The following ELP4 variants were observed in gnomAD, a reference collection of about 807,000 sequenced individuals.
The protein encoded by ELP4 is elongator complex protein 4.
ELP4 carries 51 observed loss-of-function variants against 48.9 expected under a neutral mutation model. That is an observed-to-expected ratio of 1.04 (90% confidence interval 0.83 to 1.32). The LOEUF is 1.32. Ranked by LOEUF, ELP4 falls within the 40% of genes most tolerant of loss-of-function variation. The pLI, the probability that ELP4 is intolerant of heterozygous loss-of-function variation, is 0.00. For missense variants in ELP4, 519 were observed against 514.6 expected (o/e 1.01, Z -0.08); for synonymous variants, 210 against 189.2 (o/e 1.11, Z -0.90).
intron 9 of ELP4, among the ~76,000 whole-genome samples, chr11:31,658,339 C>T (rs976473250): frequency 9.7e-5 from 14 of 143,730 alleles, no homozygotes; most frequent in African/African-American, 2.7e-4. Flanking sequence ...ACAGCTTCTC[C>T]CTTATATAAC....
chr11:31,571,866 T>A (rs1957198669), intron 3 of ELP4, among the ~76,000 whole-genome samples: 1 of 152,172 alleles, frequency 6.6e-6, no homozygotes, highest in African/African-American at 2.4e-5. Context: ...AAAACCATGT[T>A]GTTTACAGAT....
chr11:31,576,506 TCA>T (rs1957281868), intron 3 of ELP4, among the ~76,000 whole-genome samples: 2 of 152,134 alleles, frequency 1.3e-5, no homozygotes, highest in African/African-American at 4.8e-5. Context: ...CAGCACGACA[TCA>T]CACTTATTCC....
chr11:31,525,442 AT>A (rs1336896998), intron 2 of ELP4, among the ~76,000 whole-genome samples: 1 of 152,226 alleles, frequency 6.6e-6, no homozygotes, highest in East Asian at 1.9e-4. Context: ...CATATATAAC[AT>A]GCCGATATAA....
intron 3 of ELP4, among the ~76,000 whole-genome samples, chr11:31,547,280 G>C (rs995008938): frequency 6.6e-6 from 1 of 151,680 alleles, no homozygotes; most frequent in African/African-American, 2.4e-5. Context: ...TCAAATAGAC[G>C]CAATAAAAAA....
In ELP4 at chr11:31,745,016, C is replaced by A. The variant is rs969016362; in HGVS notation, c.1144-38377C>A. On this transcript the variant is annotated intron_variant, in intron 9 of 9. Transcript: ENST00000640961. ...CCATCGTCTCAGCCCAAAATCTCCTCAAGCTGATAAGCAACTTCAGCAAAG... is the reference window on the plus strand; with the variant it reads ...CCATCGTCTCAGCCCAAAATCTCCTAAAGCTGATAAGCAACTTCAGCAAAG... Among the ~76,000 whole-genome samples, 50 of 152,112 alleles carry A rather than the reference C, an allele frequency of 3.3e-4. 1 individual carries two copies. The highest frequency in any genetic ancestry group is 4.4e-5 in the Non-Finnish European group (3 of 68,026).
At chr11:31,650,305 C>G (rs982220376) in intron 9 of ELP4, 84 bp downstream of exon 9, 3 of 491,332 alleles carry the variant, frequency 6.1e-6, no homozygotes, top group Admixed American at 7.6e-5. Flanking sequence ...TTTTCATTTT[C>G]ACTTATTTTT....
intron 3 of ELP4, among the ~76,000 whole-genome samples, chr11:31,567,800 T>A (rs1412400632): frequency 6.6e-6 from 1 of 152,188 alleles, no homozygotes; most frequent in Non-Finnish European, 1.5e-5. Flanking sequence ...ATAAATAATT[T>A]AAAAAGACCT....
At chr11:31,604,444 T>G (rs1957835359) in intron 5 of ELP4, among the ~76,000 whole-genome samples, 1 of 151,876 alleles carries the variant, frequency 6.6e-6, no homozygotes, top group Non-Finnish European at 1.5e-5. Flanking sequence ...AATTTAGAGT[T>G]TGGGTTTTAA....
At chr11:31,643,538 G>A (rs1450219840) in intron 7 of ELP4, among the ~76,000 whole-genome samples, 1 of 151,724 alleles carries the variant, frequency 6.6e-6, no homozygotes, top group Non-Finnish European at 1.5e-5. Context: ...GAGGGTTTAA[G>A]GTATTCTGAT....
chr11:31,715,458 C>T (rs913804515), intron 9 of ELP4, among the ~76,000 whole-genome samples: 1 of 152,192 alleles, frequency 6.6e-6, no homozygotes, highest in Non-Finnish European at 1.5e-5. Flanking sequence ...TCCCAAAAGA[C>T]ATGCACACAG....
At chr11:31,764,307 C>T (rs1334433517) in intron 9 of ELP4, among the ~76,000 whole-genome samples, 1 of 152,172 alleles carries the variant, frequency 6.6e-6, no homozygotes, top group Non-Finnish European at 1.5e-5. Flanking sequence ...CTTTGAAAGT[C>T]TCTGCCGACC....
intron 9 of ELP4, among the ~76,000 whole-genome samples, chr11:31,656,003 T>C (rs2134082604): frequency 6.6e-6 from 1 of 152,128 alleles, no homozygotes; most frequent in East Asian, 1.9e-4. Flanking sequence ...TGTTTCTAAG[T>C]GGTAAGCTTT....
intron 9 of ELP4, among the ~76,000 whole-genome samples, chr11:31,696,039 C>G (rs1279096806): frequency 6.6e-6 from 1 of 151,930 alleles, no homozygotes. Flanking sequence ...TTTATTGCAT[C>G]TATTTGATTC....
chr11:31,620,506 A>G (rs926044476), intron 5 of ELP4, among the ~76,000 whole-genome samples: 5 of 151,970 alleles, frequency 3.3e-5, no homozygotes, highest in Admixed American at 2.6e-4. Flanking sequence ...TGATAATTAC[A>G]TGGTCTAAAA....
chr11:31,632,391 A>C lies in ELP4; in HGVS notation c.913A>C (p.Thr305Pro), dbSNP rs200213914. 6.2e-6 allele frequency: 10 copies of C among 1,609,790 alleles called. No individual in the cohort carries two copies. Among genetic ancestry groups the C allele is most frequent in the African/African-American group, 1.3e-5 (1 of 74,572 alleles). ...SLSACIITMP[T>P]HLIQNKAIIA... is the part of the protein sequence containing the mutation. ...TTCAGCCTGCATCATCACAATGCCA[A>C]CACATCTGATCCAGGTACGAAATTT... The change falls in exon 7 of 10, where the codon ACA (threonine) becomes CCA (proline). Residue 305 changes from threonine to proline, a missense_variant. Thr to Pro is a conservative substitution (Grantham distance 38). Coordinates refer to ENST00000640961, the MANE Select transcript of ELP4 (RefSeq NM_019040.5).
chr11:31,515,053 A>ATATATATG (rs139261349), intron 1 of ELP4, among the ~76,000 whole-genome samples: 6 of 149,134 alleles, frequency 4.0e-5, no homozygotes, highest in African/African-American at 1.2e-4. Context: ...ATATATATAT[A>ATATATATG]TATGTATAGG....
chr11:31,656,972 A>G (rs1945450487), intron 9 of ELP4, among the ~76,000 whole-genome samples: 1 of 152,064 alleles, frequency 6.6e-6, no homozygotes, highest in South Asian at 2.1e-4. Flanking sequence ...TATAGTGTCT[A>G]AGGAAGATAG....
rs997009947 is a variant in ELP4, at chr11:31,514,524, G to A, written c.223+4517G>A. On this transcript the variant is annotated intron_variant, in intron 1 of 9. Coordinates refer to ENST00000640961, the MANE Select transcript of ELP4 (RefSeq NM_019040.5). Reference sequence around the variant, plus strand: ...GTTGGTAATTTTTCTAAGTTAGGATGAAAGGGGAGAGGAAATAGTAAACAA... The same window carrying A: ...GTTGGTAATTTTTCTAAGTTAGGATAAAAGGGGAGAGGAAATAGTAAACAA... Among the ~76,000 whole-genome samples the A allele has an allele frequency of 3.3e-5, 5 of 152,302 alleles. No individual in the cohort carries two copies. The East Asian group carries it at 7.7e-4, about 23-fold the overall frequency.
In ELP4 at chr11:31,732,509, C is replaced by T. The variant is rs1325235642; in HGVS notation, c.1144-50884C>T. On this transcript the variant is annotated intron_variant, in intron 9 of 9. Transcript: ENST00000640961. ...TAAATGAAAACAGAAAGGAAAACTG[C>T]AAGAGAGGATAAGACAGAAAACAAC... Among the ~76,000 whole-genome samples the T allele has an allele frequency of 2.0e-5, 3 of 150,332 alleles. No individual in the cohort carries two copies. In the South Asian group the frequency reaches 6.3e-4, roughly 32 times the overall value.
Sources: allele counts gnomAD v4.1 joint callset (sites outside exome capture counted in the v4.1 genomes callset), GRCh38; gene constraint gnomAD v4.1.1; transcripts MANE v1.5; gene names NCBI Gene and HGNC (gene_info 2026-07-23, HGNC 2026-07-21).